MBOAT2: variants seen among roughly 807,000 people sequenced by gnomAD.
MBOAT2 encodes membrane-bound glycerophospholipid O-acyltransferase 2.
In MBOAT2, 28 loss-of-function variants were observed where a neutral mutation model predicts 63.4. That is an observed-to-expected ratio of 0.44 (90% CI 0.33 to 0.61). MBOAT2 has a LOEUF of 0.61. Among genes scored for constraint, MBOAT2 ranks in the 20% least tolerant of loss-of-function variants. The pLI is 0.03. For missense variants in MBOAT2, 470 were observed against 605.8 expected, an observed-to-expected ratio of 0.78 and a Z score of 2.35; for synonymous variants, 211 against 215.6, an observed-to-expected ratio of 0.98 and a Z score of 0.19.
intron 1 of MBOAT2, among the ~76,000 whole-genome samples, chr2:8,993,040 A>C (rs1237376818): frequency 2.0e-5 from 3 of 152,224 alleles, no homozygotes; most frequent in Admixed American, 2.0e-4. Context: ...GGACACTAAA[A>C]GTGGCAGTCC....
chr2:8,978,091 C>T (rs746083180), intron 1 of MBOAT2, among the ~76,000 whole-genome samples: 6 of 152,124 alleles, frequency 3.9e-5, no homozygotes, highest in Non-Finnish European at 8.8e-5. Context: ...AAACATTCTA[C>T]AGACTGCCAT....
chr2:8,868,451 T>C lies in MBOAT2; in HGVS notation c.982A>G (p.Ile328Val). The C allele has an allele frequency of 1.9e-6, 3 of 1,613,518 alleles. No homozygotes were observed. The highest frequency in any genetic ancestry group is 1.3e-5 in the African/African-American group (1 of 75,024). Residue 328 changes from isoleucine to valine, a missense_variant, in exon 9 of 13, where the codon ATA (isoleucine) becomes GTA (valine). Ile to Val is a conservative substitution (Grantham distance 29). Around this residue, in one of 3 missense-constraint regions of MBOAT2, gnomAD observed 376 missense variants for 503.8 expected, o/e 0.75. Coordinates refer to ENST00000305997, the MANE Select transcript of MBOAT2 (RefSeq NM_138799.4). ...CTTCTTAAAGATTGACTCACCTCTA[T>C]TTGTTGAATTCTCAAATTGGAAATT... ...DLISNLRIQQ[I>V]EMSTSFKMFL...
intron 1 of MBOAT2, among the ~76,000 whole-genome samples, chr2:8,999,398 G>C (rs1478222642): frequency 6.6e-6 from 1 of 152,320 alleles, no homozygotes; most frequent in East Asian, 1.9e-4. Context: ...GAGGGAAAAG[G>C]CTGGATAGCA....
At chr2:8,952,908 T>C (rs986289001) in intron 2 of MBOAT2, among the ~76,000 whole-genome samples, 2 of 152,076 alleles carry the variant, frequency 1.3e-5, no homozygotes, top group Non-Finnish European at 2.9e-5. Flanking sequence ...GAAGAATGGG[T>C]CTTTTGTTTT....
intron 3 of MBOAT2, among the ~76,000 whole-genome samples, chr2:8,923,410 T>A (rs894114901): frequency 1.3e-5 from 2 of 152,180 alleles, no homozygotes; most frequent in African/African-American, 4.8e-5. Flanking sequence ...TCCCAGGAAC[T>A]GACTCAGCTA....
chr2:8,869,709 G>A (rs887222885), intron 8 of MBOAT2, among the ~76,000 whole-genome samples: 1 of 152,130 alleles, frequency 6.6e-6, no homozygotes, highest in Admixed American at 6.5e-5. Flanking sequence ...ATAAATATGA[G>A]CCTCTAAGGT....
At chr2:8,936,915 CT>C (rs1263320350) in intron 3 of MBOAT2, among the ~76,000 whole-genome samples, 2 of 152,114 alleles carry the variant, frequency 1.3e-5, no homozygotes, top group East Asian at 3.8e-4. Flanking sequence ...GGCTTCCACT[CT>C]TGAATATCGC....
At chr2:8,953,086 G>A (rs960512545) in intron 2 of MBOAT2, among the ~76,000 whole-genome samples, 6 of 152,232 alleles carry the variant, frequency 3.9e-5, no homozygotes, top group East Asian at 1.9e-4. Flanking sequence ...TATTTATGTT[G>A]TTTTTTGTGG....
chr2:8,946,014 C>A (rs992131337), intron 2 of MBOAT2, among the ~76,000 whole-genome samples: 1 of 152,146 alleles, frequency 6.6e-6, no homozygotes, highest in African/African-American at 2.4e-5. Flanking sequence ...TAGATTACTT[C>A]AATACTGTAC....
intron 8 of MBOAT2, among the ~76,000 whole-genome samples, chr2:8,870,885 A>G (rs191570303): frequency 7.9e-5 from 12 of 152,346 alleles, no homozygotes; most frequent in Middle Eastern, 3.4e-3. Context: ...GTAAATATGT[A>G]AAAATGCACA....
chr2:8,882,634 C>A, intron 5 of MBOAT2, 69 bp from the exon 6 acceptor site: 1 of 1,290,054 alleles, frequency 7.8e-7, no homozygotes, highest in African/African-American at 1.5e-5. Flanking sequence ...CCCATGCACA[C>A]TTTCATTACT....
intron 1 of MBOAT2, among the ~76,000 whole-genome samples, chr2:8,975,275 A>G (rs1028666924): frequency 4.6e-5 from 7 of 152,168 alleles, no homozygotes; most frequent in African/African-American, 1.7e-4. Flanking sequence ...CCTAGAAAGT[A>G]GAACCTTTAT....
At chr2:8,986,998 C>T in intron 1 of MBOAT2, among the ~76,000 whole-genome samples, 1 of 152,134 alleles carries the variant, frequency 6.6e-6, no homozygotes, top group South Asian at 2.1e-4. Flanking sequence ...TTTGTTATGA[C>T]AGCTAACTAA....
Position 8,908,689 on chromosome 2 carries a change from G to T in MBOAT2, c.327C>A (p.Tyr109Ter). ...HNYCFVFALG[Y>*]LTVCQVTRVY... ...CTCGAGTAACTTGGCACACTGTGAG[G>T]TATCCCAGAGCAAACACAAAGCAGT... The change falls in exon 4 of 13, where the codon TAC (tyrosine) becomes TAA (stop). Residue 109 changes from tyrosine to a stop codon, truncating the protein, a stop_gained. Transcript: ENST00000305997. LOFTEE classifies it high-confidence loss of function. The T allele has an allele frequency of 6.2e-7, 1 of 1,610,374 alleles. No individual in the cohort carries two copies. The highest frequency in any genetic ancestry group is 8.5e-7 in the Non-Finnish European group (1 of 1,177,588).
intron 1 of MBOAT2, among the ~76,000 whole-genome samples, chr2:8,959,622 G>A (rs774236994): frequency 7.9e-5 from 12 of 151,974 alleles, no homozygotes; most frequent in Admixed American, 4.6e-4. Context: ...CCACCATGCC[G>A]AGCTAATCTG....
chr2:8,908,743 A>G, intron 3 of MBOAT2, 27 bp from the exon 4 acceptor site: 1 of 1,381,300 alleles, frequency 7.2e-7, no homozygotes, highest in African/African-American at 1.4e-5. Flanking sequence ...AGCTACATTA[A>G]TGAAAATAAG....
At chr2:8,903,085 C>A (rs1665080250) in intron 4 of MBOAT2, among the ~76,000 whole-genome samples, 2 of 152,228 alleles carry the variant, frequency 1.3e-5, no homozygotes, top group South Asian at 4.1e-4. Flanking sequence ...CACAAAAGTT[C>A]TCCAAGTCCC....
chr2:8,999,530 T>C (rs1672541562), intron 1 of MBOAT2, among the ~76,000 whole-genome samples: 1 of 152,234 alleles, frequency 6.6e-6, no homozygotes, highest in African/African-American at 2.4e-5. Context: ...TTATTTTGTT[T>C]CATTTTGGTG....
chr2:8,902,105 G>A (rs1664986792), intron 4 of MBOAT2, among the ~76,000 whole-genome samples: 1 of 152,172 alleles, frequency 6.6e-6, no homozygotes, highest in South Asian at 2.1e-4. Flanking sequence ...GTGGAAGCTG[G>A]TTCCAGGCAA....
Sources: gnomAD v4.1 joint callset for allele counts (sites outside exome capture counted in the v4.1 genomes callset) on GRCh38, gnomAD v4.1.1 for gene constraint, gnomAD v4.1.1 regional missense constraint, MANE v1.5 for transcripts, NCBI Gene and HGNC (gene_info 2026-07-23, HGNC 2026-07-21) for gene names.